The following CNTNAP3B variants were observed in gnomAD, a reference collection of about 807,000 sequenced individuals.
CNTNAP3B encodes contactin-associated protein-like 3B.
In CNTNAP3B, 25 loss-of-function variants were observed where a neutral mutation model predicts 108.9. The ratio of observed to expected loss-of-function variants is 0.23; its 90% CI spans 0.17 to 0.32. The LOEUF is 0.32. CNTNAP3B is among the 10% of genes least tolerant of loss of function. The pLI, the probability that CNTNAP3B is intolerant of heterozygous loss-of-function variation, is 1.00. For synonymous variants in CNTNAP3B, 103 were observed against 473.4 expected (o/e 0.22, Z 10.16); for missense variants, 252 against 1,210.4 (o/e 0.21, Z 11.75).
intron 2 of CNTNAP3B, among the ~76,000 whole-genome samples, chr9:42,090,927 G>T: frequency 3.1e-5 from 2 of 64,222 alleles, no homozygotes; most frequent in African/African-American, 5.6e-5. Flanking sequence ...TTGAAATTTG[G>T]ATTTGACTAT....
intron 12 of CNTNAP3B, among the ~76,000 whole-genome samples, chr9:41,955,540 T>A (rs1377697206): frequency 6.6e-6 from 1 of 152,292 alleles, no homozygotes; most frequent in African/African-American, 2.4e-5. Flanking sequence ...TTCTTTTTCT[T>A]TTTTATTAGA....
chr9:41,947,718 T>TA (rs1824566528), intron 13 of CNTNAP3B, among the ~76,000 whole-genome samples: 1 of 151,754 alleles, frequency 6.6e-6, no homozygotes, highest in African/African-American at 2.4e-5. Flanking sequence ...ACAAAAATAA[T>TA]AGAGAAAATC....
At chr9:41,923,553 G>A (rs1277920909) in intron 16 of CNTNAP3B, among the ~76,000 whole-genome samples, 2 of 152,292 alleles carry the variant, frequency 1.3e-5, no homozygotes, top group African/African-American at 2.4e-5. Context: ...CTTGAGGCCA[G>A]GAGTTGAAGA....
chr9:41,982,024 C>G (rs1825638463), intron 9 of CNTNAP3B, among the ~76,000 whole-genome samples: 1 of 79,014 alleles, frequency 1.3e-5, no homozygotes, highest in Non-Finnish European at 2.3e-5. Flanking sequence ...TGTCATTGCA[C>G]TCCAGCCTGG....
chr9:41,944,623 G>GA (rs1238146625), intron 13 of CNTNAP3B, among the ~76,000 whole-genome samples: 2 of 151,628 alleles, frequency 1.3e-5, no homozygotes, highest in Non-Finnish European at 1.5e-5. Context: ...GGGAATTCAG[G>GA]AAAAAAAGAA....
intron 13 of CNTNAP3B, among the ~76,000 whole-genome samples, chr9:41,948,392 G>A (rs1270226164): frequency 2.0e-5 from 3 of 152,184 alleles, no homozygotes; most frequent in African/African-American, 2.4e-5. Context: ...GGGCCTTACT[G>A]GAGAATTCTA....
intron 13 of CNTNAP3B, among the ~76,000 whole-genome samples, chr9:41,942,832 C>T (rs891928039): frequency 1.3e-5 from 2 of 151,810 alleles, no homozygotes; most frequent in African/African-American, 2.4e-5. Flanking sequence ...ATTTTGGCCT[C>T]TGACACAACA....
chr9:42,119,303 C>T (rs202039713), intron 1 of CNTNAP3B, among the ~76,000 whole-genome samples: 1 of 128,070 alleles, frequency 7.8e-6, no homozygotes, highest in African/African-American at 3.2e-5. Flanking sequence ...AGGAGAACTA[C>T]AAACCACTGC....
intron 3 of CNTNAP3B, among the ~76,000 whole-genome samples, chr9:42,054,491 G>C (rs1419100515): frequency 6.6e-6 from 1 of 151,802 alleles, no homozygotes; most frequent in Non-Finnish European, 1.5e-5. Context: ...TGTAATCGAA[G>C]GTGAGGAAGC....
At chr9:41,941,319 A>C (rs1309783568) in intron 13 of CNTNAP3B, among the ~76,000 whole-genome samples, 1 of 145,262 alleles carries the variant, frequency 6.9e-6, no homozygotes, top group African/African-American at 2.5e-5. Context: ...AACTCACTTC[A>C]AAATAAACAT....
intron 9 of CNTNAP3B, among the ~76,000 whole-genome samples, chr9:41,973,968 C>T (rs1455222781): frequency 1.5e-5 from 2 of 135,652 alleles, no homozygotes; most frequent in Non-Finnish European, 3.1e-5. Context: ...CCTCAGCCTA[C>T]CCAGTAGCTG....
At chr9:41,929,639 T>C (rs1199599625) in intron 14 of CNTNAP3B, among the ~76,000 whole-genome samples, 195 bp from the exon 15 acceptor site, 1 of 138,846 alleles carries the variant, frequency 7.2e-6, no homozygotes, top group African/African-American at 2.9e-5. Context: ...TAAAGGACCA[T>C]ACAGTAAGCT....
chr9:41,960,023 C>A (rs1301414493), intron 12 of CNTNAP3B: 16 of 142,620 alleles, frequency 1.1e-4, no homozygotes, highest in African/African-American at 4.1e-4. Flanking sequence ...TTTTGAGATG[C>A]AGTCTTGCTC....
intron 1 of CNTNAP3B, among the ~76,000 whole-genome samples, chr9:42,111,987 C>T (rs1445005698): frequency 1.4e-5 from 2 of 139,412 alleles, no homozygotes; most frequent in Non-Finnish European, 1.5e-5. Context: ...CCCCACTGCA[C>T]CTGTCCTGAA....
chr9:42,111,479 G>C (rs1346221511), intron 1 of CNTNAP3B, among the ~76,000 whole-genome samples: 1 of 138,134 alleles, frequency 7.2e-6, no homozygotes, highest in Non-Finnish European at 1.5e-5. Context: ...GCTGGTAAAC[G>C]GTATGCCTGA....
In CNTNAP3B at chr9:42,096,179, C is replaced by T. The variant is rs561985728; in HGVS notation, c.196+8450G>A. On this transcript the variant is annotated intron_variant, in intron 2 of 23. Coordinates refer to ENST00000377561, the MANE Select transcript of CNTNAP3B (RefSeq NM_001201380.3). ...TGTGCAGGCTGCTCTTGGAGACTGG[C>T]GTTCTCCTTTCCACTACACACTTGA... Among the ~76,000 whole-genome samples the T allele has an allele frequency of 5.7e-5, 8 of 139,328 alleles. 1 individual carries two copies. The highest frequency in any genetic ancestry group is 4.4e-4 in the East Asian group (2 of 4,574). 91.4% of individuals were successfully genotyped at this position (139,328 alleles called of 152,430 possible).
chr9:42,103,510 T>G (rs1252001753), intron 2 of CNTNAP3B, among the ~76,000 whole-genome samples: 3 of 108,496 alleles, frequency 2.8e-5, no homozygotes, highest in African/African-American at 4.2e-5. Context: ...GATCAGGAGG[T>G]GAGGAGATCC....
chr9:41,919,093 C>A (rs1823595513), intron 18 of CNTNAP3B, among the ~76,000 whole-genome samples: 1 of 152,248 alleles, frequency 6.6e-6, no homozygotes, highest in African/African-American at 2.4e-5. Flanking sequence ...TTAAATAAGT[C>A]AGTACAGAGT....
chr9:42,066,444 G>C (rs1297780914), intron 3 of CNTNAP3B, among the ~76,000 whole-genome samples: 1 of 21,504 alleles, frequency 4.7e-5, no homozygotes, highest in East Asian at 2.5e-3. Context: ...TTTTTTTTTT[G>C]AGACAGAGTT....
Sources: allele counts gnomAD v4.1 joint callset (sites outside exome capture counted in the v4.1 genomes callset), GRCh38; gene constraint gnomAD v4.1.1; transcripts MANE v1.5; gene names NCBI Gene and HGNC (gene_info 2026-07-23, HGNC 2026-07-21).